The following THRB variants were observed in gnomAD, a reference collection of about 807,000 sequenced individuals.
THRB encodes nuclear receptor subfamily 1 group A member 2.
A neutral mutation model predicts 47.8 loss-of-function variants in THRB; 12 were observed. That is an observed-to-expected ratio of 0.25 (90% confidence interval 0.16 to 0.41). The LOEUF is 0.41. THRB is among the 10% of genes least tolerant of loss of function. The probability of loss-of-function intolerance (pLI) is 1.00; values close to 1 mark genes in which losing one functional copy is unlikely to be tolerated. For missense variants in THRB, 348 were observed against 589.2 expected (o/e 0.59, Z 4.24); for synonymous variants, 218 against 212.2 (o/e 1.03, Z -0.24).
intron 1 of THRB, among the ~76,000 whole-genome samples, chr3:24,366,893 G>A (rs1332833875): frequency 6.6e-6 from 1 of 151,806 alleles, no homozygotes; most frequent in Non-Finnish European, 1.5e-5. Context: ...AAAGTGCTGA[G>A]ATTACAGGTG....
chr3:24,340,480 A>T (rs908378037), intron 1 of THRB, among the ~76,000 whole-genome samples: 15 of 145,298 alleles, frequency 1.0e-4, no homozygotes, highest in African/African-American at 3.7e-4. Flanking sequence ...GCATTGTATT[A>T]GTGGCCTTTT....
intron 2 of THRB, among the ~76,000 whole-genome samples, chr3:24,336,094 G>A (rs1441067965): frequency 6.6e-6 from 1 of 152,242 alleles, no homozygotes; most frequent in Non-Finnish European, 1.5e-5. Flanking sequence ...CATAGGTCTT[G>A]AAGATTCTTA....
intron 2 of THRB, among the ~76,000 whole-genome samples, chr3:24,298,969 C>T (rs4858600): frequency 0.26 from 38,901 of 151,726 alleles, 5,584 homozygotes; most frequent in Admixed American, 0.38. Context: ...TAATTCAGGC[C>T]GGGCGCGGTG....
Position 24,469,025 on chromosome 3 carries a change from C to T in THRB, c.-261+25627G>A, listed in dbSNP as rs75432399. On this transcript the variant is annotated intron_variant, in intron 1 of 10. Coordinates refer to ENST00000646209, the MANE Select transcript of THRB (RefSeq NM_001354712.2). ...CTGAGGTCCAAACTCCAGTGACACA[C>T]GCACAAACACACAGACACATCCCCA... is the stretch of plus-strand genomic sequence containing the variant. Among the ~76,000 whole-genome samples the T allele has an allele frequency of 8.8e-3, 1,345 of 152,240 alleles. 7 individuals carry two copies. Among genetic ancestry groups the T allele is most frequent in the African/African-American group, 0.017 (689 of 41,550 alleles).
intron 1 of THRB, among the ~76,000 whole-genome samples, chr3:24,439,436 G>A (rs2071307744): frequency 6.6e-6 from 1 of 152,132 alleles, no homozygotes; most frequent in African/African-American, 2.4e-5. Context: ...GGGATCCTCT[G>A]TCTGGGATCT....
intron 1 of THRB, among the ~76,000 whole-genome samples, chr3:24,456,972 T>G (rs1403381166): frequency 6.6e-6 from 1 of 152,154 alleles, no homozygotes; most frequent in African/African-American, 2.4e-5. Flanking sequence ...TGGGGCTTTT[T>G]GGTGTCATCA....
intron 1 of THRB, among the ~76,000 whole-genome samples, chr3:24,373,165 C>G (rs1474770646): frequency 6.6e-6 from 1 of 151,994 alleles, no homozygotes; most frequent in African/African-American, 2.4e-5. Flanking sequence ...TTAGAAAACC[C>G]CAACAAAGAC....
intron 3 of THRB, among the ~76,000 whole-genome samples, chr3:24,278,349 G>T (rs2054155550): frequency 1.3e-5 from 2 of 152,146 alleles, no homozygotes; most frequent in African/African-American, 2.4e-5. Flanking sequence ...GTTAAAATTG[G>T]TAAGACTTGC....
At chr3:24,272,224 T>A (rs1209255360) in intron 3 of THRB, among the ~76,000 whole-genome samples, 1 of 152,076 alleles carries the variant, frequency 6.6e-6, no homozygotes, top group Non-Finnish European at 1.5e-5. Context: ...CCCGCACTTG[T>A]GGTCTCAGCT....
At chr3:24,460,558 G>T (rs1193082228) in intron 1 of THRB, among the ~76,000 whole-genome samples, 6 of 152,092 alleles carry the variant, frequency 3.9e-5, no homozygotes, top group African/African-American at 1.2e-4. Context: ...GTAATTAAAG[G>T]GAAGAGAACA....
chr3:24,361,793 C>A (rs1317483225), intron 1 of THRB, among the ~76,000 whole-genome samples: 3 of 152,080 alleles, frequency 2.0e-5, no homozygotes, highest in Non-Finnish European at 4.4e-5. Flanking sequence ...TGGGGGCTTA[C>A]GTCATGCAGC....
chr3:24,480,154 C>T (rs539180801), intron 1 of THRB, among the ~76,000 whole-genome samples: 3 of 152,314 alleles, frequency 2.0e-5, no homozygotes, highest in South Asian at 2.1e-4. Flanking sequence ...TTACCTCCCC[C>T]CTAAAAATCA....
At chr3:24,191,612 T>A (rs1366591528) in intron 4 of THRB, among the ~76,000 whole-genome samples, 2 of 152,190 alleles carry the variant, frequency 1.3e-5, no homozygotes, top group Non-Finnish European at 2.9e-5. Context: ...TAAAAATGCT[T>A]TAGGTTTTCA....
At chr3:24,198,119 C>G (rs1344492599) in intron 4 of THRB, among the ~76,000 whole-genome samples, 2 of 152,156 alleles carry the variant, frequency 1.3e-5, no homozygotes, top group Non-Finnish European at 2.9e-5. Context: ...TTAACAGTAG[C>G]CTGAAGCTGC....
chr3:24,191,615 G>C (rs1279942488), intron 4 of THRB, among the ~76,000 whole-genome samples: 1 of 152,128 alleles, frequency 6.6e-6, no homozygotes, highest in Non-Finnish European at 1.5e-5. Flanking sequence ...AAATGCTTTA[G>C]GTTTTCATAA....
Position 24,143,600 on chromosome 3 carries a change from C to A in THRB, c.639G>T (p.Glu213Asp), listed in dbSNP as rs371602445. The change falls in exon 8 of 11, where the codon GAG (glutamate) becomes GAT (aspartate). Residue 213 changes from glutamate (E) to aspartate (D), a missense_variant. Around this residue, in one of 5 missense-constraint regions of THRB, gnomAD observed 112 missense variants for 212.3 expected, o/e 0.53. Transcript: ENST00000646209. ...ELQKSIGHKP[E>D]PTDEEWELIK... ...TGAGCTCCCATTCCTCGTCTGTGGG[C>A]TCTGGCTTGTGCCCGATGGACTTCT... 3 of 1,614,240 alleles carry A rather than the reference C, an allele frequency of 1.9e-6. No individual in the cohort carries two copies. Among genetic ancestry groups the A allele is most frequent in the Non-Finnish European group, 2.5e-6 (3 of 1,180,026 alleles).
chr3:24,282,630 G>C (rs552345432), intron 3 of THRB, among the ~76,000 whole-genome samples: 2 of 139,958 alleles, frequency 1.4e-5, no homozygotes, highest in Non-Finnish European at 3.0e-5. Context: ...CCTTCAGAAA[G>C]TTAACGAATC....
At chr3:24,160,229 G>A (rs960527376) in intron 5 of THRB, among the ~76,000 whole-genome samples, 1 of 152,168 alleles carries the variant, frequency 6.6e-6, no homozygotes, top group South Asian at 2.1e-4. Flanking sequence ...CAAGGTTTCT[G>A]GAACAGAGGG....
chr3:24,421,857 A>C (rs1408986540), intron 1 of THRB, among the ~76,000 whole-genome samples: 1 of 151,882 alleles, frequency 6.6e-6, no homozygotes, highest in Non-Finnish European at 1.5e-5. Flanking sequence ...CCTTCCTCTA[A>C]AGCACCCTGT....
Sources: allele counts gnomAD v4.1 joint callset (sites outside exome capture counted in the v4.1 genomes callset), GRCh38; gene constraint gnomAD v4.1.1; regional missense constraint gnomAD v4.1.1; transcripts MANE v1.5; gene names NCBI Gene and HGNC (gene_info 2026-07-23, HGNC 2026-07-21).